The following CRPPA variants were observed in gnomAD, a reference collection of about 807,000 sequenced individuals.
CRPPA encodes D-ribitol-5-phosphate cytidylyltransferase.
CRPPA carries 43 observed loss-of-function variants against 52.0 expected under a neutral mutation model. That is an observed-to-expected ratio of 0.83 (90% CI 0.65 to 1.07). The LOEUF (loss-of-function observed/expected upper bound fraction) is 1.07, where lower values mean the gene tolerates loss of function less well. Among genes scored for constraint, CRPPA ranks in the 50% least tolerant of loss-of-function variants. CRPPA has a pLI of 0.00. For missense variants in CRPPA, 629 were observed against 551.7 expected (o/e 1.14, Z -1.40); for synonymous variants, 250 against 203.5 (o/e 1.23, Z -1.94).
intron 2 of CRPPA, among the ~76,000 whole-genome samples, chr7:16,397,538 T>G (rs80298581): frequency 7.3e-6 from 1 of 137,548 alleles, no homozygotes; most frequent in African/African-American, 3.3e-5. Context: ...CAACACAACA[T>G]GTGATTGACG....
chr7:16,232,813 T>C (rs1385476607), intron 8 of CRPPA, among the ~76,000 whole-genome samples: 1 of 152,194 alleles, frequency 6.6e-6, no homozygotes, highest in Non-Finnish European at 1.5e-5. Context: ...TCACAATGTC[T>C]AATAGCTTAA....
chr7:16,116,618 C>T (rs1782375733), intron 9 of CRPPA, among the ~76,000 whole-genome samples: 1 of 130,088 alleles, frequency 7.7e-6, no homozygotes, highest in Non-Finnish European at 1.5e-5. Flanking sequence ...GCCAAGATTG[C>T]ACCACTGCAC....
chr7:16,253,304 G>A (rs1429743682), intron 8 of CRPPA, among the ~76,000 whole-genome samples: 3 of 152,186 alleles, frequency 2.0e-5, no homozygotes, highest in Non-Finnish European at 2.9e-5. Context: ...GGCATGCGGT[G>A]TCTTTGTTCT....
intron 3 of CRPPA, among the ~76,000 whole-genome samples, chr7:16,323,006 A>T (rs948775033): frequency 2.0e-5 from 3 of 152,110 alleles, no homozygotes; most frequent in Non-Finnish European, 4.4e-5. Context: ...CTCACTCACT[A>T]TCATGAGAAC....
At chr7:16,268,896 C>T (rs1217724120) in intron 6 of CRPPA, 1 of 152,230 alleles carries the variant, frequency 6.6e-6, no homozygotes, top group Non-Finnish European at 1.5e-5. Flanking sequence ...TTGCTAACTC[C>T]AGCTCATCTA....
intron 5 of CRPPA, among the ~76,000 whole-genome samples, chr7:16,286,073 A>G (rs1396798711): frequency 3.0e-5 from 1 of 33,866 alleles, no homozygotes; most frequent in Non-Finnish European, 5.8e-5. Context: ...ATATATATAT[A>G]TATATATAAT....
At chr7:16,398,948 C>T (rs756328205) in intron 2 of CRPPA, among the ~76,000 whole-genome samples, 74 of 152,314 alleles carry the variant, frequency 4.9e-4, no homozygotes, top group Admixed American at 8.5e-4. Context: ...GTGATCATCA[C>T]GTAATCAACA....
At chr7:16,313,495 G>C (rs1436691725) in intron 3 of CRPPA, among the ~76,000 whole-genome samples, 2 of 151,894 alleles carry the variant, frequency 1.3e-5, no homozygotes, top group East Asian at 3.9e-4. Flanking sequence ...CCAGATTTTG[G>C]TCTGGTAGAT....
At chr7:16,302,508 G>A (rs1183175917) in intron 4 of CRPPA, among the ~76,000 whole-genome samples, 3 of 152,020 alleles carry the variant, frequency 2.0e-5, no homozygotes, top group African/African-American at 4.8e-5. Context: ...TAATGACACA[G>A]TATAAATAAG....
In CRPPA at chr7:16,376,218, A is replaced by T. The variant is rs772513921; in HGVS notation, c.558T>A (p.Leu186=). ...CAGATGGACTGACGACAGTAGATAC[A>T]AGAGGTCGAATGGCTCCTGCTGCCT... The part of the protein sequence containing the change: ...EHGAAGAIRP[L]VSTVVSPSAD... Residue 186 remains leucine, a synonymous_variant, in exon 3 of 10, where the codon CTT becomes CTA. Coordinates refer to ENST00000407010, the MANE Select transcript of CRPPA (RefSeq NM_001101426.4). The T allele has an allele frequency of 6.2e-7, 1 of 1,610,146 alleles. No individual in the cohort carries two copies. The highest frequency in any genetic ancestry group is 8.5e-7 in the Non-Finnish European group (1 of 1,178,366).
chr7:16,259,240 A>G (rs1348894472), intron 6 of CRPPA, among the ~76,000 whole-genome samples: 1 of 152,056 alleles, frequency 6.6e-6, no homozygotes, highest in Non-Finnish European at 1.5e-5. Context: ...ATTGTTTCAC[A>G]TAGGAAAAAA....
chr7:16,141,603 T>C (rs1210713260), intron 9 of CRPPA, among the ~76,000 whole-genome samples: 1 of 152,200 alleles, frequency 6.6e-6, no homozygotes, highest in East Asian at 1.9e-4. Flanking sequence ...GTAATTCTTA[T>C]CCTTCTCAAG....
At chr7:16,299,335 A>G (rs1231275230) in intron 5 of CRPPA, among the ~76,000 whole-genome samples, 1 of 152,198 alleles carries the variant, frequency 6.6e-6, no homozygotes, top group Non-Finnish European at 1.5e-5. Context: ...GCATCGTAAG[A>G]CTTAAAGCTC....
At chr7:16,199,664 T>TA (rs5882560) in intron 9 of CRPPA, among the ~76,000 whole-genome samples, 1 of 151,150 alleles carries the variant, frequency 6.6e-6, no homozygotes, top group Non-Finnish European at 1.5e-5. Context: ...TAAGTTCACT[T>TA]AAAAAAAAAA....
chr7:16,289,758 A>C (rs1015261468), intron 5 of CRPPA, among the ~76,000 whole-genome samples: 1 of 152,130 alleles, frequency 6.6e-6, no homozygotes, highest in African/African-American at 2.4e-5. Flanking sequence ...CCTTTCCTCT[A>C]AGAGGACAAG....
At chr7:16,314,271 C>T (rs1179396010) in intron 3 of CRPPA, among the ~76,000 whole-genome samples, 1 of 151,928 alleles carries the variant, frequency 6.6e-6, no homozygotes, top group Non-Finnish European at 1.5e-5. Flanking sequence ...AGTAAATGTC[C>T]TAGATTTTGC....
At chr7:16,397,343 A>C (rs538904488) in intron 2 of CRPPA, among the ~76,000 whole-genome samples, 2 of 152,244 alleles carry the variant, frequency 1.3e-5, no homozygotes, top group African/African-American at 4.8e-5. Context: ...CATGACCAAC[A>C]TGTGTTACAG....
chr7:16,214,497 C>CAA (rs1326098157), intron 9 of CRPPA, among the ~76,000 whole-genome samples: 5 of 151,928 alleles, frequency 3.3e-5, no homozygotes, highest in Non-Finnish European at 7.4e-5. Flanking sequence ...TGAGTACAAA[C>CAA]AAAAAAGATT....
At chr7:16,314,539 T>C (rs949962646) in intron 3 of CRPPA, among the ~76,000 whole-genome samples, 12 of 152,104 alleles carry the variant, frequency 7.9e-5, no homozygotes, top group Admixed American at 2.0e-4. Flanking sequence ...TGTAGATCCA[T>C]GTTTCTGACC....
Sources: gnomAD v4.1 joint callset for allele counts (sites outside exome capture counted in the v4.1 genomes callset) on GRCh38, gnomAD v4.1.1 for gene constraint, MANE v1.5 for transcripts, NCBI Gene and HGNC (gene_info 2026-07-23, HGNC 2026-07-21) for gene names.